RALYL: variants seen among roughly 807,000 people sequenced by gnomAD.
RALYL encodes RALY RNA binding protein like, also known as RNA-binding Raly-like protein.
A neutral mutation model predicts 35.1 loss-of-function variants in RALYL; 29 were observed. That is an observed-to-expected ratio of 0.83 (90% CI 0.61 to 1.13). The LOEUF is 1.13. Ranked by LOEUF, RALYL falls within the 50% of genes most tolerant of loss-of-function variation. RALYL has a pLI of 0.00. For synonymous variants in RALYL, 120 were observed against 127.6 expected (o/e 0.94, Z 0.40); for missense variants, 359 against 360.4 (o/e 1.00, Z 0.03).
chr8:84,914,849 C>T (rs999182805), intron 8 of RALYL, among the ~76,000 whole-genome samples: 1 of 151,842 alleles, frequency 6.6e-6, no homozygotes, highest in Non-Finnish European at 1.5e-5. Context: ...TAATTCCATC[C>T]CTTATCTCCT....
At chr8:84,778,735 G>C (rs1817427063) in intron 3 of RALYL, among the ~76,000 whole-genome samples, 1 of 152,190 alleles carries the variant, frequency 6.6e-6, no homozygotes, top group Admixed American at 6.5e-5. Context: ...AAGGAGAGCT[G>C]ACTTTTATTC....
intron 8 of RALYL, among the ~76,000 whole-genome samples, chr8:84,915,326 A>G (rs191276599): frequency 3.9e-4 from 59 of 151,970 alleles, no homozygotes; most frequent in Admixed American, 3.6e-3. Flanking sequence ...CCCACCTCCC[A>G]CTGGAGTTGC....
intron 1 of RALYL, among the ~76,000 whole-genome samples, chr8:84,210,080 T>C (rs1819092458): frequency 6.6e-6 from 1 of 152,136 alleles, no homozygotes; most frequent in Non-Finnish European, 1.5e-5. Flanking sequence ...CCTCTGAAGC[T>C]GATTGCTTTG....
At chr8:84,199,223 G>A (rs570383459) in intron 1 of RALYL, among the ~76,000 whole-genome samples, 5 of 152,032 alleles carry the variant, frequency 3.3e-5, no homozygotes, top group African/African-American at 4.8e-5. Context: ...TTGTCTTTTC[G>A]ATGTGCATTT....
chr8:84,648,572 G>A (rs1465896631), intron 2 of RALYL, among the ~76,000 whole-genome samples: 1 of 151,714 alleles, frequency 6.6e-6, no homozygotes, highest in African/African-American at 2.4e-5. Context: ...ATTAACATAA[G>A]AAAAATCTAA....
chr8:84,309,459 G>T (rs1245262925), intron 1 of RALYL, among the ~76,000 whole-genome samples: 1 of 151,722 alleles, frequency 6.6e-6, no homozygotes, highest in African/African-American at 2.4e-5. Flanking sequence ...GATATTAAAA[G>T]ATAAAAATCC....
chr8:84,602,379 CT>C (rs1239843876), intron 2 of RALYL, among the ~76,000 whole-genome samples: 5 of 152,098 alleles, frequency 3.3e-5, no homozygotes, highest in African/African-American at 1.2e-4. Flanking sequence ...ACCCTTGACT[CT>C]ATTTATTCCA....
intron 4 of RALYL, among the ~76,000 whole-genome samples, chr8:84,824,995 A>G (rs1398126686): frequency 1.3e-5 from 2 of 152,186 alleles, no homozygotes; most frequent in Admixed American, 6.5e-5. Context: ...ACAAAAATTG[A>G]GAAGTGGGGC....
At chr8:84,387,551 T>C (rs1010270801) in intron 1 of RALYL, among the ~76,000 whole-genome samples, 2 of 151,918 alleles carry the variant, frequency 1.3e-5, no homozygotes, top group Non-Finnish European at 2.9e-5. Flanking sequence ...TTGTTGACTG[T>C]ATTTTTTAAG....
chr8:84,211,576 A>G (rs899888186), intron 1 of RALYL, among the ~76,000 whole-genome samples: 1 of 152,160 alleles, frequency 6.6e-6, no homozygotes, highest in African/African-American at 2.4e-5. Flanking sequence ...CAATCTAAGC[A>G]GTAAGAAGCT....
intron 4 of RALYL, among the ~76,000 whole-genome samples, chr8:84,822,578 T>C (rs1340961343): frequency 2.0e-5 from 3 of 152,142 alleles, no homozygotes; most frequent in Non-Finnish European, 4.4e-5. Context: ...TTTCCTACTA[T>C]TGTGATTAAA....
At chr8:84,523,022 G>A (rs954917821) in intron 1 of RALYL, among the ~76,000 whole-genome samples, 5 of 152,040 alleles carry the variant, frequency 3.3e-5, no homozygotes. Context: ...ATGGTGGCAG[G>A]CAAGAAGCCA....
At chr8:84,247,583 T>C (rs1051455515) in intron 1 of RALYL, among the ~76,000 whole-genome samples, 9 of 151,462 alleles carry the variant, frequency 5.9e-5, no homozygotes, top group African/African-American at 2.2e-4. Context: ...AATTTGTAAA[T>C]ATAGAATAGG....
At chr8:84,395,129 A>C (rs972862397) in intron 1 of RALYL, among the ~76,000 whole-genome samples, 6 of 151,886 alleles carry the variant, frequency 4.0e-5, no homozygotes, top group African/African-American at 1.4e-4. Context: ...GACAATTATC[A>C]TAAGATCACT....
chr8:84,460,373 G>C (rs750542913), intron 1 of RALYL, among the ~76,000 whole-genome samples: 5 of 151,636 alleles, frequency 3.3e-5, no homozygotes, highest in Admixed American at 6.6e-5. Context: ...CAAAGTGAAG[G>C]CTGTACAGGG....
intron 1 of RALYL, among the ~76,000 whole-genome samples, chr8:84,449,298 T>G (rs2049196328): frequency 6.6e-6 from 1 of 151,986 alleles, no homozygotes; most frequent in African/African-American, 2.4e-5. Context: ...TGGGGAGCTT[T>G]GAAGCACTTA....
intron 1 of RALYL, among the ~76,000 whole-genome samples, chr8:84,464,195 G>C (rs560442472): frequency 2.6e-3 from 395 of 150,602 alleles, no homozygotes; most frequent in Middle Eastern, 6.9e-3. Flanking sequence ...CATTGTGCAG[G>C]TTAGTTACAT....
At chr8:84,325,316 C>T (rs1246452781) in intron 1 of RALYL, among the ~76,000 whole-genome samples, 2 of 152,142 alleles carry the variant, frequency 1.3e-5, no homozygotes, top group African/African-American at 4.8e-5. Context: ...ATAGATTTCC[C>T]TGATTCTTAA....
chr8:84,240,838 A>G (rs1375223184), intron 1 of RALYL, among the ~76,000 whole-genome samples: 1 of 152,204 alleles, frequency 6.6e-6, no homozygotes, highest in Non-Finnish European at 1.5e-5. Flanking sequence ...TGACAAAAAG[A>G]TGTGTTCTTT....
Sources: gnomAD v4.1 joint callset for allele counts (sites outside exome capture counted in the v4.1 genomes callset) on GRCh38, gnomAD v4.1.1 for gene constraint, MANE v1.5 for transcripts, NCBI Gene and HGNC (gene_info 2026-07-23, HGNC 2026-07-21) for gene names.